Variants in ERBIN observed in about 807,000 individuals in gnomAD.
ERBIN encodes the protein densin-180-like protein.
A neutral mutation model predicts 158.4 loss-of-function variants in ERBIN; 60 were observed. The observed-to-expected ratio is 0.38, with a 90% confidence interval of 0.31 to 0.47. The LOEUF (loss-of-function observed/expected upper bound fraction) is 0.47. Among genes scored for constraint, ERBIN ranks in the 20% least tolerant of loss-of-function variants. The probability of loss-of-function intolerance (pLI) is 0.99; values close to 1 mark genes in which losing one functional copy is unlikely to be tolerated. For missense variants in ERBIN, 1,610 were observed against 1,648.0 expected (o/e 0.98, Z 0.40); for synonymous variants, 594 against 557.2 (o/e 1.07, Z -0.93).
chr5:65,980,654 A>AT (rs1378615966), intron 1 of ERBIN, among the ~76,000 whole-genome samples: 2 of 152,100 alleles, frequency 1.3e-5, no homozygotes, highest in Non-Finnish European at 2.9e-5. Flanking sequence ...ATTAACACTA[A>AT]TCAAGAGAAA....
At chr5:65,996,379 A>G (rs1296248970) in intron 4 of ERBIN, among the ~76,000 whole-genome samples, 1 of 151,854 alleles carries the variant, frequency 6.6e-6, no homozygotes, top group Non-Finnish European at 1.5e-5. Flanking sequence ...AGTTGTCCCA[A>G]CACCATTTAT....
At chr5:66,046,299 A>T (rs1758433015) in intron 17 of ERBIN, 54 bp from the exon 18 acceptor site, 2 of 1,083,882 alleles carry the variant, frequency 1.8e-6, no homozygotes, top group African/African-American at 1.6e-5. Context: ...CTGAACTTTT[A>T]AAATAGATAT....
intron 1 of ERBIN, among the ~76,000 whole-genome samples, chr5:65,977,564 C>T (rs1457454996): frequency 1.3e-5 from 2 of 151,636 alleles, no homozygotes; most frequent in Non-Finnish European, 2.9e-5. Flanking sequence ...CGATGGGCGG[C>T]CGGGCAGAGA....
At chr5:66,028,518 G>A (rs1344847606) in intron 14 of ERBIN, among the ~76,000 whole-genome samples, 175 bp downstream of exon 14, 1 of 152,020 alleles carries the variant, frequency 6.6e-6, no homozygotes. Context: ...TATAAAATAG[G>A]TGTAGATTTA....
intron 4 of ERBIN, among the ~76,000 whole-genome samples, chr5:66,008,615 T>G (rs1753870178): frequency 6.6e-6 from 1 of 152,172 alleles, no homozygotes; most frequent in Admixed American, 6.5e-5. Context: ...TCTTAGGTCT[T>G]TTTCTCTTTA....
chr5:65,932,477 A>T (rs1743563759), intron 1 of ERBIN, among the ~76,000 whole-genome samples: 1 of 152,148 alleles, frequency 6.6e-6, no homozygotes, highest in Admixed American at 6.5e-5. Context: ...ATGTAAATAT[A>T]ATGGAAAAGG....
At chr5:66,070,132 C>A (rs1761395584) in intron 21 of ERBIN, among the ~76,000 whole-genome samples, 1 of 152,066 alleles carries the variant, frequency 6.6e-6, no homozygotes, top group African/African-American at 2.4e-5. Flanking sequence ...GCAACCTCCG[C>A]CTCCCGAGTT....
rs1349716114 is a variant in ERBIN, at chr5:66,050,921, G to T, written c.2042G>T (p.Cys681Phe). 1 of 1,604,678 alleles carries T rather than the reference G, an allele frequency of 6.2e-7. No individual in the cohort carries two copies. The highest frequency in any genetic ancestry group is 8.5e-7 in the Non-Finnish European group (1 of 1,177,516). The change falls in exon 20 of 26, where the codon TGC (cysteine) becomes TTC (phenylalanine). Residue 681 changes from cysteine (C) to phenylalanine (F), a missense_variant. Around this residue, in one of 2 missense-constraint regions of ERBIN, gnomAD observed 1,014 missense variants for 936.1 expected, o/e 1.08. Coordinates refer to ENST00000284037, the MANE Select transcript of ERBIN (RefSeq NM_001253697.2). ...NTDSSQDTSL[C>F]SPVKQTHIDI... ...GATAGTAGTCAAGACACCTCACTCT[G>T]CTCTCCAGTGAAACAAACTCATATT...
chr5:66,043,112 T>G lies in ERBIN; in HGVS notation c.1342T>G (p.Ser448Ala). Residue 448 changes from serine (S) to alanine (A), a missense_variant, in exon 16 of 26, where the codon TCA becomes GCA. Ser to Ala is a moderately conservative substitution (Grantham distance 99). Transcript: ENST00000284037. Reference sequence around the variant, plus strand: ...ATCAGATAATGAAAGTTTTAACCCTTCATTGTGGGAGGAACAGAGGAAACA... The same window carrying G: ...ATCAGATAATGAAAGTTTTAACCCTGCATTGTGGGAGGAACAGAGGAAACA... ...FISDNESFNP[S>A]LWEEQRKQRA... 6.2e-7 allele frequency: 1 copy of G among 1,610,126 alleles called. No individual in the cohort carries two copies. The highest frequency in any genetic ancestry group is 1.3e-5 in the African/African-American group (1 of 74,950).
intron 1 of ERBIN, among the ~76,000 whole-genome samples, chr5:65,978,369 G>A (rs931491664): frequency 2.0e-5 from 3 of 151,976 alleles, no homozygotes; most frequent in Admixed American, 6.6e-5. Flanking sequence ...TGGAATGAAC[G>A]ACTTTTTCTG....
chr5:66,080,097 A>T lies in ERBIN; in HGVS notation c.*1567A>T, dbSNP rs150210439. 6.6e-6 allele frequency: 1 copy of T among 152,424 alleles called. No individual in the cohort carries two copies. Among genetic ancestry groups the T allele is most frequent in the Non-Finnish European group, 1.5e-5 (1 of 67,984 alleles). The allele number at this position is 152,424 out of a possible 1,614,324, so 9.4% of individuals were successfully genotyped here. A position where few individuals can be genotyped will look rare whatever the true frequency, so the allele number is the denominator to read the frequency against. ...TATTTACTAAGAAATGCAATTTGGG[A>T]ATTTTTAATCTGTTATGCTTTGTTT... On this transcript the variant is annotated 3_prime_UTR_variant, in exon 26 of 26. Transcript: ENST00000284037.
chr5:65,967,079 C>T (rs576392278), intron 1 of ERBIN, among the ~76,000 whole-genome samples: 5 of 151,998 alleles, frequency 3.3e-5, no homozygotes, highest in African/African-American at 1.2e-4. Context: ...TGAGTCCAGC[C>T]TGGGTAACAT....
intron 21 of ERBIN, among the ~76,000 whole-genome samples, chr5:66,057,379 A>G (rs1169206184): frequency 6.6e-6 from 1 of 152,178 alleles, no homozygotes; most frequent in African/African-American, 2.4e-5. Context: ...CTTCATCCTC[A>G]TCATCACCAT....
At chr5:65,970,599 T>G (rs1749141356) in intron 1 of ERBIN, among the ~76,000 whole-genome samples, 1 of 152,154 alleles carries the variant, frequency 6.6e-6, no homozygotes, top group Admixed American at 6.5e-5. Flanking sequence ...CTTTTTATAT[T>G]CTTTTTAAGA....
intron 21 of ERBIN, among the ~76,000 whole-genome samples, chr5:66,071,705 T>G (rs1214728809): frequency 6.6e-6 from 1 of 151,704 alleles, no homozygotes; most frequent in East Asian, 1.9e-4. Flanking sequence ...ACTGTTCTAT[T>G]GAAAGAACAG....
chr5:65,961,165 T>C (rs886996984), intron 1 of ERBIN: 1 of 152,200 alleles, frequency 6.6e-6, no homozygotes, highest in Non-Finnish European at 1.5e-5. Flanking sequence ...ATTGAACTTT[T>C]CTCTTTTTTT....
chr5:65,999,717 T>G (rs932185202), intron 4 of ERBIN, among the ~76,000 whole-genome samples: 9 of 152,240 alleles, frequency 5.9e-5, no homozygotes, highest in Non-Finnish European at 1.0e-4. Context: ...GCTTTTGATT[T>G]GTGTGACTAT....
At chr5:65,980,074 G>A (rs1750483618) in intron 1 of ERBIN, among the ~76,000 whole-genome samples, 1 of 152,080 alleles carries the variant, frequency 6.6e-6, no homozygotes, top group African/African-American at 2.4e-5. Flanking sequence ...TGGAGTAAAA[G>A]GAAAACTTTA....
Position 66,080,296 on chromosome 5 carries a change from T to C in ERBIN, c.*1766T>C, listed in dbSNP as rs1160395277. ...TGCACTTCTTTCAAGATGTTATCAATTGGTTATTGTACTGTATAGTTTTAA... is the reference window on the plus strand; with the variant it reads ...TGCACTTCTTTCAAGATGTTATCAACTGGTTATTGTACTGTATAGTTTTAA... On this transcript the variant is annotated 3_prime_UTR_variant, in exon 26 of 26. Transcript: ENST00000284037. 6.6e-6 allele frequency: 1 copy of C among 152,568 alleles called. No individual in the cohort carries two copies. Among genetic ancestry groups the C allele is most frequent in the Non-Finnish European group, 1.5e-5 (1 of 67,970 alleles). 9.5% of individuals were successfully genotyped at this position (152,568 alleles called of 1,614,324 possible). A position where few individuals can be genotyped will look rare whatever the true frequency, so the allele number is the denominator to read the frequency against.
Sources: gnomAD v4.1 joint callset for allele counts (sites outside exome capture counted in the v4.1 genomes callset) on GRCh38, gnomAD v4.1.1 for gene constraint, gnomAD v4.1.1 regional missense constraint, MANE v1.5 for transcripts, NCBI Gene and HGNC (gene_info 2026-07-23, HGNC 2026-07-21) for gene names.